Variants in IL17RA observed in about 807,000 individuals in gnomAD.
IL17RA encodes the protein interleukin 17 receptor A.
A neutral mutation model predicts 50.4 loss-of-function variants in IL17RA; 34 were observed. That is an observed-to-expected ratio of 0.67 (90% CI 0.51 to 0.90). IL17RA has a LOEUF of 0.90. IL17RA is among the 40% of genes least tolerant of loss of function. The pLI is 0.00. For missense variants in IL17RA, 1,276 were observed against 1,169.8 expected, an observed-to-expected ratio of 1.09 and a Z score of -1.32; for synonymous variants, 585 against 510.4, an observed-to-expected ratio of 1.15 and a Z score of -1.97.
At chr22:17,088,056 C>T (rs2061334473) in intron 1 of IL17RA, among the ~76,000 whole-genome samples, 1 of 152,182 alleles carries the variant, frequency 6.6e-6, no homozygotes, top group Non-Finnish European at 1.5e-5. Flanking sequence ...TCCTTCATCC[C>T]ATACTCAACG....
intron 7 of IL17RA, 103 bp from the exon 8 acceptor site, chr22:17,103,391 G>T: frequency 1.1e-6 from 1 of 874,716 alleles, no homozygotes; most frequent in South Asian, 1.4e-5. Context: ...CCTTCCTAAG[G>T]GGTGCTCTGG....
rs1468060818 is a variant in IL17RA at position 17,109,331 on chromosome 22, G to C, written c.2112G>C (p.Pro704=). 18 of 1,557,608 alleles carry C rather than the reference G, an allele frequency of 1.2e-5. No individual in the cohort carries two copies. The highest frequency in any genetic ancestry group is 1.6e-5 in the Non-Finnish European group (18 of 1,155,458). ...LALAGEGEAC[P]LLGSPGAGRN... Reference sequence around the variant, plus strand: ...TGGCGGGGGAGGGCGAGGCCTGCCCGCTGCTGGGCAGCCCGGGCGCTGGGC... The same window carrying C: ...TGGCGGGGGAGGGCGAGGCCTGCCCCCTGCTGGGCAGCCCGGGCGCTGGGC... The change falls in exon 13 of 13, where the codon CCG becomes CCC. Residue 704 remains proline (P), a synonymous_variant. Transcript: ENST00000319363.
In IL17RA at chr22:17,085,183, C is replaced by T; in HGVS notation, c.92C>T (p.Ala31Val). The stretch of plus-strand genomic sequence containing the variant: ...CTGGGCGTGCTGGCCCCGGGTGGCG[C>T]CTCCCTGCGACTCCTGGACCACCGG... The part of the protein sequence containing the change: ...LLLGVLAPGG[A>V]SLRLLDHRAL... The change falls in exon 1 of 13, where the codon GCC becomes GTC. Residue 31 changes from alanine to valine, a missense_variant. Physicochemically the swap from Ala to Val is moderately conservative, Grantham distance 64. Coordinates refer to ENST00000319363, the MANE Select transcript of IL17RA (RefSeq NM_014339.7). 2 of 1,526,790 alleles carry T rather than the reference C, an allele frequency of 1.3e-6. No homozygotes were observed. The highest frequency in any genetic ancestry group is 8.8e-7 in the Non-Finnish European group (1 of 1,142,162). The allele number at this position is 1,526,790 out of a possible 1,614,324, so 94.6% of individuals were successfully genotyped here. A position where few individuals can be genotyped will look rare whatever the true frequency, so the allele number is the denominator to read the frequency against.
At chr22:17,094,691 C>CTCTCTCTCTCTCTATATATATA (rs1448096911) in intron 1 of IL17RA, among the ~76,000 whole-genome samples, 1 of 24,694 alleles carries the variant, frequency 4.0e-5, no homozygotes, top group Non-Finnish European at 6.7e-5. Context: ...CTCTCTCTCT[C>CTCTCTCTCTCTCTATATATATA]TATATATATA....
rs200823341 is a variant in IL17RA, at chr22:17,100,318, G to A, written c.424-37G>A. The A allele has an allele frequency of 1.4e-5, 23 of 1,613,834 alleles. No individual in the cohort carries two copies. The African/African-American group carries it at 2.7e-4, about 19-fold the overall frequency. On this transcript the variant is annotated intron_variant, in intron 4 of 12. Coordinates refer to ENST00000319363, the MANE Select transcript of IL17RA (RefSeq NM_014339.7). ...GCATAGATGGGTGACAGAGGTGTGTGTAATCCATCCACCTTCCCTTCCTCC... is the reference window on the plus strand; with the variant it reads ...GCATAGATGGGTGACAGAGGTGTGTATAATCCATCCACCTTCCCTTCCTCC...
At chr22:17,088,421 C>A (rs1231401139) in intron 1 of IL17RA, among the ~76,000 whole-genome samples, 1 of 151,982 alleles carries the variant, frequency 6.6e-6, no homozygotes, top group Non-Finnish European at 1.5e-5. Context: ...CGAGTTCAAG[C>A]AATTCTTGTG....
At position 17,102,206 on chromosome 22, in the gene IL17RA, C is replaced by T. The variant is rs2061394342; in HGVS notation, c.666C>T (p.Thr222=). 6.2e-7 allele frequency: 1 copy of T among 1,614,050 alleles called. No individual in the cohort carries two copies. ...CCCACCAGCTGCGTGTGAGCTTCAC[C>T]CTGTGGAACGAATCTACCCATTACC... is the stretch of plus-strand genomic sequence containing the variant. ...LEAHQLRVSF[T]LWNESTHYQI... is the part of the protein sequence containing the mutation. Residue 222 remains threonine (T), a synonymous_variant, in exon 7 of 13, where the codon ACC becomes ACT. Coordinates refer to ENST00000319363, the MANE Select transcript of IL17RA (RefSeq NM_014339.7).
At chr22:17,090,786 G>A (rs967680110) in intron 1 of IL17RA, among the ~76,000 whole-genome samples, 2 of 152,132 alleles carry the variant, frequency 1.3e-5, no homozygotes, top group African/African-American at 4.8e-5. Context: ...CACTGCTGAG[G>A]CAAGTAAGTG....
At chr22:17,108,237 TG>T in intron 12 of IL17RA, 69 bp from the exon 13 acceptor site, 1 of 1,521,986 alleles carries the variant, frequency 6.6e-7, no homozygotes, top group Non-Finnish European at 9.1e-7. Context: ...AGGCCCCTCC[TG>T]GGCTGGCAGG....
chr22:17,106,068 C>T (rs1053484139), intron 11 of IL17RA, 114 bp downstream of exon 11: 42 of 791,158 alleles, frequency 5.3e-5, no homozygotes, highest in Non-Finnish European at 8.7e-5. Context: ...TTGAGAACCA[C>T]GTCATAAAGC....
Position 17,102,252 on chromosome 22 carries a change from C to T in IL17RA, c.712C>T (p.Pro238Ser). ...TTACCAGATCCTGCTGACCAGTTTTCCGCACATGGAGAACCACAGTTGCTT... is the reference window on the plus strand; with the variant it reads ...TTACCAGATCCTGCTGACCAGTTTTTCGCACATGGAGAACCACAGTTGCTT... The part of the protein sequence containing the change: ...THYQILLTSF[P>S]HMENHSCFEH... Residue 238 changes from proline to serine, a missense_variant, in exon 7 of 13, where the codon CCG becomes TCG. Pro to Ser is a moderately conservative substitution (Grantham distance 74). Transcript: ENST00000319363. 1 of 1,614,192 alleles carries T rather than the reference C, an allele frequency of 6.2e-7. No individual in the cohort carries two copies. The highest frequency in any genetic ancestry group is 1.1e-5 in the South Asian group (1 of 91,084).
rs765911585 is a variant in IL17RA, at chr22:17,109,303, C to T, written c.2084C>T (p.Ala695Val). ...GCTGACGGTGCCGCAGTCCGGCTGG[C>T]ACTGGCGGGGGAGGGCGAGGCCTGC... ...PLADGAAVRL[A>V]LAGEGEACPL... The change falls in exon 13 of 13, where the codon GCA (alanine) becomes GTA (valine). Residue 695 changes from alanine to valine, a missense_variant. Physicochemically the swap from Ala to Val is moderately conservative, Grantham distance 64. Transcript: ENST00000319363. 135 of 1,537,410 alleles carry T rather than the reference C, an allele frequency of 8.8e-5. No homozygotes were observed. Among genetic ancestry groups the T allele is most frequent in the Non-Finnish European group, 1.1e-4 (122 of 1,146,098 alleles).
intron 2 of IL17RA, 103 bp from the exon 3 acceptor site, chr22:17,097,694 C>A (rs529068292): frequency 2.0e-5 from 29 of 1,431,744 alleles, no homozygotes; most frequent in Non-Finnish European, 2.5e-5. Context: ...TGGAAGGCCG[C>A]GGGCCCCTGA....
intron 8 of IL17RA, among the ~76,000 whole-genome samples, chr22:17,103,925 AGT>A (rs146416103): frequency 0.024 from 724 of 29,760 alleles, 85 homozygotes; most frequent in Middle Eastern, 0.17. Context: ...TGTGGCTGAG[AGT>A]GGGGAGCGTG....
intron 2 of IL17RA, 95 bp from the exon 3 acceptor site, chr22:17,097,702 T>C: frequency 1.3e-6 from 2 of 1,511,620 alleles, no homozygotes; most frequent in Non-Finnish European, 1.8e-6. Context: ...CGCGGGCCCC[T>C]GAGCTGTTTG....
chr22:17,085,431 G>C, intron 1 of IL17RA: 2 of 488,282 alleles, frequency 4.1e-6, no homozygotes, highest in Non-Finnish European at 5.3e-6. Flanking sequence ...TTGCGGTGTG[G>C]AATACGGGGG....
rs1568925899 is a variant in IL17RA, at chr22:17,112,825, T to G, written c.*3005T>G. 1.3e-5 allele frequency: 2 copies of G among 152,170 alleles called. No homozygotes were observed. The highest frequency in any genetic ancestry group is 2.4e-5 in the African/African-American group (1 of 41,434). 9.4% of individuals were successfully genotyped at this position (152,170 alleles called of 1,614,324 possible). A position where few individuals can be genotyped will look rare whatever the true frequency, so the allele number is the denominator to read the frequency against. On this transcript the variant is annotated 3_prime_UTR_variant, in exon 13 of 13. Transcript: ENST00000319363. ...CTCCACGCTGTGCCCCTCCCACCTC[T>G]TCAGCTCGTCTCCTGAGTGTGCAGA...
Position 17,109,878 on chromosome 22 carries a change from G to A in IL17RA, c.*58G>A, listed in dbSNP as rs886057205. The A allele has an allele frequency of 8.4e-6, 12 of 1,431,096 alleles. No individual in the cohort carries two copies. The highest frequency in any genetic ancestry group is 4.2e-5 in the African/African-American group (3 of 70,758). The allele number at this position is 1,431,096 out of a possible 1,614,324, so 88.6% of individuals were successfully genotyped here. ...CTTTGAGAGAGGAGTGTGTGTGCAC[G>A]TATTCATCTGTGTGTACATGTCTGC... On this transcript the variant is annotated 3_prime_UTR_variant, in exon 13 of 13. Coordinates refer to ENST00000319363, the MANE Select transcript of IL17RA (RefSeq NM_014339.7).
chr22:17,102,045 T>C lies in IL17RA; in HGVS notation c.598+2T>C. 1 of 1,614,182 alleles carries C rather than the reference T, an allele frequency of 6.2e-7. No homozygotes were observed. Among genetic ancestry groups the C allele is most frequent in the Non-Finnish European group, 8.5e-7 (1 of 1,180,026 alleles). On this transcript the variant is annotated splice_donor_variant, in intron 6 of 12. Coordinates refer to ENST00000319363, the MANE Select transcript of IL17RA (RefSeq NM_014339.7). LOFTEE classifies it high-confidence loss of function. ...TAACCACGCCATGCATGAGCTCAGGTAACAGCTGGCCCGGGAGAGCTTTAT... is the reference window on the plus strand; with the variant it reads ...TAACCACGCCATGCATGAGCTCAGGCAACAGCTGGCCCGGGAGAGCTTTAT...
Sources: allele counts gnomAD v4.1 joint callset (sites outside exome capture counted in the v4.1 genomes callset), GRCh38; gene constraint gnomAD v4.1.1; transcripts MANE v1.5; gene names NCBI Gene and HGNC (gene_info 2026-07-23, HGNC 2026-07-21).